Variants in CHRNB3 observed in about 807,000 individuals in gnomAD.
The protein encoded by CHRNB3 is neuronal acetylcholine receptor subunit beta-3.
Under a neutral mutation model 40.6 loss-of-function variants are expected in CHRNB3, and 37 were observed. The observed-to-expected ratio is 0.91, with a 90% CI of 0.70 to 1.20. The LOEUF is 1.20. Among genes scored for constraint, CHRNB3 ranks in the 50% most tolerant of loss-of-function variants. CHRNB3 has a pLI of 0.00. For synonymous variants in CHRNB3, 207 were observed against 207.1 expected, an observed-to-expected ratio of 1.00 and a Z score of 0.00; for missense variants, 505 against 551.2, an observed-to-expected ratio of 0.92 and a Z score of 0.84.
chr8:42,725,232 A>G (rs62518219), intron 3 of CHRNB3, among the ~76,000 whole-genome samples: 8,637 of 150,958 alleles, frequency 0.057, 322 homozygotes, highest in Middle Eastern at 0.11. Flanking sequence ...TGGGATTACA[A>G]GCATGTGCCA....
At chr8:42,716,747 G>T (rs1424961072) in intron 3 of CHRNB3, among the ~76,000 whole-genome samples, 6 of 152,004 alleles carry the variant, frequency 3.9e-5, no homozygotes, top group Non-Finnish European at 8.8e-5. Context: ...ACCCTGTTTA[G>T]CTAGTTCTCA....
rs749252681 is a variant in CHRNB3 at position 42,732,385 on chromosome 8, G to C, written c.1078G>C (p.Glu360Gln). 142 of 1,613,628 alleles carry C rather than the reference G, an allele frequency of 8.8e-5. No individual in the cohort carries two copies. Among genetic ancestry groups the C allele is most frequent in the Non-Finnish European group, 1.1e-4 (134 of 1,179,972 alleles). Residue 360 changes from glutamate (E) to glutamine (Q), a missense_variant, in exon 5 of 6, where the codon GAG (glutamate) becomes CAG (glutamine). By Grantham distance (29) the Glu-to-Gln change is conservative. Transcript: ENST00000289957. ...KDHVDRYSSP[E>Q]KEESQPVVKG... Reference sequence around the variant, plus strand: ...TCATGTGGATCGCTACTCATCCCCAGAGAAAGAGGAGAGTCAACCAGTAGT... The same window carrying C: ...TCATGTGGATCGCTACTCATCCCCACAGAAAGAGGAGAGTCAACCAGTAGT...
chr8:42,717,157 A>C (rs1054265983), intron 3 of CHRNB3, among the ~76,000 whole-genome samples: 1 of 148,312 alleles, frequency 6.7e-6, no homozygotes, highest in Non-Finnish European at 1.5e-5. Flanking sequence ...GCGGATCACG[A>C]GGTCAGGAGA....
intron 3 of CHRNB3, among the ~76,000 whole-genome samples, chr8:42,727,554 T>C (rs59521406): frequency 0.057 from 8,710 of 152,170 alleles, 331 homozygotes; most frequent in Middle Eastern, 0.11. Flanking sequence ...GACACTCACA[T>C]GCAAAAGAAA....
intron 1 of CHRNB3, among the ~76,000 whole-genome samples, chr8:42,706,476 A>G (rs536878196): frequency 6.6e-6 from 1 of 152,234 alleles, no homozygotes; most frequent in Non-Finnish European, 1.5e-5. Context: ...AGCCCAAGAG[A>G]GAGAGCATCT....
chr8:42,733,496 GCA>G (rs1816463638), intron 5 of CHRNB3, among the ~76,000 whole-genome samples: 1 of 151,910 alleles, frequency 6.6e-6, no homozygotes, highest in South Asian at 2.1e-4. Flanking sequence ...ATACAAACAT[GCA>G]CAGTGTACCC....
intron 2 of CHRNB3, among the ~76,000 whole-genome samples, chr8:42,709,092 T>C (rs1454965980): frequency 6.6e-6 from 1 of 152,120 alleles, no homozygotes; most frequent in Admixed American, 6.6e-5. Context: ...GACGATTCGC[T>C]GCGGGGAGGA....
At chr8:42,735,257 G>A (rs1376078698) in intron 5 of CHRNB3, among the ~76,000 whole-genome samples, 1 of 151,770 alleles carries the variant, frequency 6.6e-6, no homozygotes, top group African/African-American at 2.4e-5. Flanking sequence ...ACTAATACAG[G>A]CCGGGTGTGG....
At chr8:42,732,862 G>T (rs930368159) in intron 5 of CHRNB3, among the ~76,000 whole-genome samples, 3 of 151,964 alleles carry the variant, frequency 2.0e-5, no homozygotes, top group African/African-American at 4.8e-5. Context: ...TGGTTAGCCT[G>T]GTTTCTGGTA....
At chr8:42,719,608 C>T (rs1351253745) in intron 3 of CHRNB3, among the ~76,000 whole-genome samples, 2 of 152,122 alleles carry the variant, frequency 1.3e-5, no homozygotes, top group Admixed American at 1.3e-4. Context: ...GATCACACCA[C>T]GGCACTCCAG....
intron 3 of CHRNB3, among the ~76,000 whole-genome samples, chr8:42,723,570 T>C (rs1044459131): frequency 7.2e-5 from 11 of 152,160 alleles, no homozygotes; most frequent in African/African-American, 2.7e-4. Context: ...AGACCTTAGC[T>C]TAAAGCCCAT....
At chr8:42,722,343 C>T (rs755203249) in intron 3 of CHRNB3, among the ~76,000 whole-genome samples, 7 of 151,018 alleles carry the variant, frequency 4.6e-5, no homozygotes, top group African/African-American at 1.2e-4. Context: ...CCAGCCTGGG[C>T]GACAGAGTGA....
Position 42,730,625 on chromosome 8 carries a change from C to T in CHRNB3, c.281C>T (p.Pro94Leu), listed in dbSNP as rs749052989. The T allele has an allele frequency of 4.2e-5, 67 of 1,606,544 alleles. No individual in the cohort carries two copies. In the South Asian group the frequency reaches 7.3e-4, roughly 18 times the overall value. The change falls in exon 4 of 6, where the codon CCT (proline) becomes CTT (leucine). Residue 94 changes from proline (P) to leucine (L), a missense_variant. Pro to Leu is a moderately conservative substitution (Grantham distance 98, BLOSUM62 -3). Transcript: ENST00000289957. The stretch of plus-strand genomic sequence containing the variant: ...ACAGACCACAAGTTACGCTGGAATC[C>T]TGATGATTATGGTGGGATCCATTCC... ...EWTDHKLRWN[P>L]DDYGGIHSIK...
intron 3 of CHRNB3, among the ~76,000 whole-genome samples, chr8:42,723,834 C>T (rs1238132872): frequency 6.6e-6 from 1 of 152,084 alleles, no homozygotes; most frequent in Non-Finnish European, 1.5e-5. Flanking sequence ...GCCTGTAATC[C>T]CAACACTTTG....
intron 3 of CHRNB3, among the ~76,000 whole-genome samples, chr8:42,726,478 GA>G (rs1816311386): frequency 9.3e-6 from 1 of 107,036 alleles, no homozygotes; most frequent in Non-Finnish European, 1.9e-5. Flanking sequence ...AAAATTAAAT[GA>G]CTTTTTTTTT....
chr8:42,706,588 G>A (rs994925888), intron 1 of CHRNB3, among the ~76,000 whole-genome samples: 3 of 152,008 alleles, frequency 2.0e-5, no homozygotes, highest in Non-Finnish European at 4.4e-5. Flanking sequence ...GAAAAAGAGA[G>A]GAGTCAAGGA....
chr8:42,709,101 G>T (rs147798663), intron 2 of CHRNB3, among the ~76,000 whole-genome samples: 20 of 152,234 alleles, frequency 1.3e-4, no homozygotes, highest in Non-Finnish European at 2.2e-4. Flanking sequence ...CTGCGGGGAG[G>T]ATGTGGTTGC....
Position 42,736,472 on chromosome 8 carries a change from T to C in CHRNB3, c.1243-12T>C, listed in dbSNP as rs776777838. The C allele has an allele frequency of 5.0e-6, 8 of 1,613,662 alleles. No homozygotes were observed. Among genetic ancestry groups the C allele is most frequent in the Non-Finnish European group, 6.8e-6 (8 of 1,179,912 alleles). ...GTGTCTTGAGTGAAAGGCATCTTTTTCTCTTTTGCAGGTAGTACAAGACTG... is the reference window on the plus strand; with the variant it reads ...GTGTCTTGAGTGAAAGGCATCTTTTCCTCTTTTGCAGGTAGTACAAGACTG... On this transcript the variant is annotated splice_polypyrimidine_tract_variant and intron_variant, in intron 5 of 5. Transcript: ENST00000289957.
chr8:42,726,485 T>TC (rs1816312052), intron 3 of CHRNB3, among the ~76,000 whole-genome samples: 1 of 151,666 alleles, frequency 6.6e-6, no homozygotes, highest in African/African-American at 2.4e-5. Context: ...AATGACTTTT[T>TC]TTTTTTTTTT....
Sources: gnomAD v4.1 joint callset for allele counts (sites outside exome capture counted in the v4.1 genomes callset) on GRCh38, gnomAD v4.1.1 for gene constraint, MANE v1.5 for transcripts, NCBI Gene and HGNC (gene_info 2026-07-23, HGNC 2026-07-21) for gene names.